The following C12orf43 variants were observed in gnomAD, a reference collection of about 807,000 sequenced individuals.
C12orf43 encodes protein CUSTOS.
In C12orf43, 15 loss-of-function variants were observed where a neutral mutation model predicts 20.6. The observed-to-expected ratio is 0.73, with a 90% confidence interval of 0.49 to 1.12. The LOEUF (loss-of-function observed/expected upper bound fraction) is 1.12. Ranked by LOEUF, C12orf43 falls within the 50% of genes most tolerant of loss-of-function variation. The pLI, the probability that C12orf43 is intolerant of heterozygous loss-of-function variation, is 0.00. For missense variants in C12orf43, 334 were observed against 344.4 expected (o/e 0.97, Z 0.24); for synonymous variants, 144 against 130.8 (o/e 1.10, Z -0.69).
chr12:121,011,082 T>G, intron 2 of C12orf43, 22 bp downstream of exon 2: 1 of 1,613,114 alleles, frequency 6.2e-7, no homozygotes, highest in Non-Finnish European at 8.5e-7. Flanking sequence ...TAAGTGAAAC[T>G]TGAACCCAAA....
At position 121,003,437 on chromosome 12, in the gene C12orf43, G is replaced by A. The variant is rs1387718311; in HGVS notation, c.*716C>T. The A allele has an allele frequency of 2.0e-5, 3 of 152,302 alleles. No individual in the cohort carries two copies. The highest frequency in any genetic ancestry group is 7.2e-5 in the African/African-American group (3 of 41,444). 9.4% of individuals were successfully genotyped at this position (152,302 alleles called of 1,614,324 possible). A position where few individuals can be genotyped will look rare whatever the true frequency, so the allele number is the denominator to read the frequency against. ...TGAACGCACAAATCCTGGGGGTGTA[G>A]AGAGGAGGAGGATGTTTACTTAAAA... On this transcript the variant is annotated 3_prime_UTR_variant, in exon 6 of 6. Transcript: ENST00000288757.
chr12:121,000,579 T>C lies in C12orf43; in HGVS notation c.*3574A>G, dbSNP rs1169307. Reference sequence around the variant, plus strand: ...GCCTGAAATCTGTTGCTGGCAGCTCTGGGGAGTGAATTCTGCAGCCTTGAG... The same window carrying C: ...GCCTGAAATCTGTTGCTGGCAGCTCCGGGGAGTGAATTCTGCAGCCTTGAG... On this transcript the variant is annotated 3_prime_UTR_variant, in exon 6 of 6. Transcript: ENST00000288757. 0.6 allele frequency: 131,846 copies of C among 219,442 alleles called. 41,542 individuals are homozygous for C. The highest frequency in any genetic ancestry group is 0.87 in the East Asian group (7,122 of 8,204). The allele number at this position is 219,442 out of a possible 1,614,324, so 13.6% of individuals were successfully genotyped here.
rs1399974057 is a variant in C12orf43 at position 121,004,074 on chromosome 12, G to T, written c.*79C>A. ...CCTTGAACTTGGAGAGGGAGGTGGG[G>T]CTTGGAAATGCCTTGTCCCCAGGGT... On this transcript the variant is annotated 3_prime_UTR_variant, in exon 6 of 6. Transcript: ENST00000288757. This position sits in a 1 kb window ranked among gnomAD's most constrained non-coding sequence, Gnocchi z 5.6. 22 of 1,469,034 alleles carry T rather than the reference G, an allele frequency of 1.5e-5. No homozygotes were observed. Among genetic ancestry groups the T allele is most frequent in the Non-Finnish European group, 2.1e-5 (22 of 1,049,318 alleles). 91.0% of individuals were successfully genotyped at this position (1,469,034 alleles called of 1,614,324 possible). A position where few individuals can be genotyped will look rare whatever the true frequency, so the allele number is the denominator to read the frequency against.
intron 1 of C12orf43, among the ~76,000 whole-genome samples, chr12:121,015,695 A>G (rs538437385): frequency 2.0e-5 from 3 of 152,340 alleles, no homozygotes; most frequent in Admixed American, 1.3e-4. Flanking sequence ...ATCTGCAAAG[A>G]TTGTAATGAG....
At position 121,010,941 on chromosome 12, in the gene C12orf43, A is replaced by G. The variant is rs1423315153; in HGVS notation, c.189-15T>C. 1.2e-6 allele frequency: 2 copies of G among 1,613,624 alleles called. No individual in the cohort carries two copies. Among genetic ancestry groups the G allele is most frequent in the Non-Finnish European group, 1.7e-6 (2 of 1,179,748 alleles). On this transcript the variant is annotated splice_polypyrimidine_tract_variant and intron_variant, in intron 2 of 5. Coordinates refer to ENST00000288757, the MANE Select transcript of C12orf43 (RefSeq NM_022895.3). ...TCACCTTATGCCTACGACACACACA[A>G]AGAGACCTCACTTCCTGCCCGCTCA...
At chr12:121,010,998 G>C in intron 2 of C12orf43, 72 bp from the exon 3 acceptor site, 1 of 1,595,412 alleles carries the variant, frequency 6.3e-7, no homozygotes, top group Non-Finnish European at 8.6e-7. Context: ...GGGACCATGT[G>C]TGTCTTGTTC....
At chr12:121,012,069 T>C (rs1868418130) in intron 1 of C12orf43, among the ~76,000 whole-genome samples, 1 of 150,702 alleles carries the variant, frequency 6.6e-6, no homozygotes, top group African/African-American at 2.4e-5. Context: ...GCGAGAGAGG[T>C]GGGGAGTGTT....
At chr12:121,008,943 C>T (rs11065393) in intron 3 of C12orf43, among the ~76,000 whole-genome samples, 19,954 of 152,236 alleles carry the variant, frequency 0.13, 1,759 homozygotes, top group Non-Finnish European at 0.19. Context: ...AAATGCTGGG[C>T]TAAACAGTTA....
Position 121,011,166 on chromosome 12 carries a change from A to G in C12orf43, c.146-20T>C. 6.2e-7 allele frequency: 1 copy of G among 1,612,580 alleles called. No individual in the cohort carries two copies. Among genetic ancestry groups the G allele is most frequent in the Non-Finnish European group, 8.5e-7 (1 of 1,178,720 alleles). Reference sequence around the variant, plus strand: ...CAGCACCTGTGGAAAAATGAAAATTAGGGCATTTATAGAGGAAACAATGAC... The same window carrying G: ...CAGCACCTGTGGAAAAATGAAAATTGGGGCATTTATAGAGGAAACAATGAC... On this transcript the variant is annotated intron_variant, in intron 1 of 5. Transcript: ENST00000288757.
Position 121,006,344 on chromosome 12 carries a change from T to C in C12orf43, c.338A>G (p.Gln113Arg). The C allele has an allele frequency of 1.2e-6, 2 of 1,614,204 alleles. No individual in the cohort carries two copies. The highest frequency in any genetic ancestry group is 1.7e-6 in the Non-Finnish European group (2 of 1,179,984). The change falls in exon 4 of 6, where the codon CAG (glutamine) becomes CGG (arginine). Residue 113 changes from glutamine to arginine, a missense_variant. Transcript: ENST00000288757. ...AAKEPAKAKV[Q>R]KVALEDDGFR... ...ACCATCATCCTCCAAAGCGACTTTC[T>C]GTACCTTAGCTTTTGCTGGCTCCTT...
intron 3 of C12orf43, among the ~76,000 whole-genome samples, chr12:121,010,487 C>G (rs1032821952): frequency 1.3e-5 from 2 of 152,206 alleles, no homozygotes; most frequent in Non-Finnish European, 2.9e-5. Flanking sequence ...GGAATGATAA[C>G]AGTCCCTACC....
At chr12:121,011,002 C>T in intron 2 of C12orf43, 76 bp from the exon 3 acceptor site, 1 of 1,593,494 alleles carries the variant, frequency 6.3e-7, no homozygotes, top group African/African-American at 1.3e-5. Flanking sequence ...CCATGTGTGT[C>T]TTGTTCACCT....
Position 121,001,583 on chromosome 12 carries a change from G to C in C12orf43, c.*2570C>G, listed in dbSNP as rs868177605. On this transcript the variant is annotated 3_prime_UTR_variant, in exon 6 of 6. Coordinates refer to ENST00000288757, the MANE Select transcript of C12orf43 (RefSeq NM_022895.3). ...ACCACTCTGGCAGCCACACTTCTCAGGACACAGGCCTGTGTAGCTGTGACC... is the reference window on the plus strand; with the variant it reads ...ACCACTCTGGCAGCCACACTTCTCACGACACAGGCCTGTGTAGCTGTGACC... 52 of 441,066 alleles carry C rather than the reference G, an allele frequency of 1.2e-4. 1 individual carries two copies. The Middle Eastern group carries it at 4.5e-3, about 38-fold the overall frequency. The allele number at this position is 441,066 out of a possible 1,614,324, so 27.3% of individuals were successfully genotyped here. A position where few individuals can be genotyped will look rare whatever the true frequency, so the allele number is the denominator to read the frequency against.
Position 121,011,406 on chromosome 12 carries a change from TTA to T in C12orf43, c.146-262_146-261del, listed in dbSNP as rs1391799115. ...TAAGTACATTATATATATATATATC[TTA>T]GTTATATAACTTAAAATATATATAT... On this transcript the variant is annotated intron_variant, in intron 1 of 5. Coordinates refer to ENST00000288757, the MANE Select transcript of C12orf43 (RefSeq NM_022895.3). 2.7e-5 allele frequency among the ~76,000 whole-genome samples: 4 copies of T among 148,100 alleles called. No homozygotes were observed. The East Asian group carries it at 7.8e-4, about 29-fold the overall frequency.
chr12:121,012,430 C>G (rs1245635830), intron 1 of C12orf43: 1 of 702,610 alleles, frequency 1.4e-6, no homozygotes, highest in Non-Finnish European at 2.6e-6. Flanking sequence ...ATAAACTGAC[C>G]TGGGTTTTGA....
Position 121,004,449 on chromosome 12 carries a change from C to T in C12orf43, c.493G>A (p.Ala165Thr). The T allele has an allele frequency of 6.2e-7, 1 of 1,610,610 alleles. No individual in the cohort carries two copies. The highest frequency in any genetic ancestry group is 8.5e-7 in the Non-Finnish European group (1 of 1,178,660). ...DEEWRRCREAAVSASDILQES... is the reference protein window; with the variant it reads ...DEEWRRCREATVSASDILQES... ...TGTAGGATGTCGGACGCCGACACAG[C>T]TGCCTCCCGGCACCGCCGCCACTCC... Residue 165 changes from alanine to threonine, a missense_variant, in exon 6 of 6, where the codon GCT becomes ACT. Coordinates refer to ENST00000288757, the MANE Select transcript of C12orf43 (RefSeq NM_022895.3). This position sits in a 1 kb window ranked among gnomAD's most constrained non-coding sequence, Gnocchi z 5.6.
Position 121,000,930 on chromosome 12 carries a change from C to T in C12orf43, c.*3223G>A, listed in dbSNP as rs1877418933. On this transcript the variant is annotated 3_prime_UTR_variant, in exon 6 of 6. Coordinates refer to ENST00000288757, the MANE Select transcript of C12orf43 (RefSeq NM_022895.3). ...TGAAGAACCGAGGGTAGAGGTGTGA[C>T]TTTGGGGTTCCTGTTATCTGCTGTG... 7.9e-7 allele frequency: 1 copy of T among 1,270,374 alleles called. No individual in the cohort carries two copies. Among genetic ancestry groups the T allele is most frequent in the South Asian group, 1.2e-5 (1 of 80,920 alleles). The allele number at this position is 1,270,374 out of a possible 1,614,324, so 78.7% of individuals were successfully genotyped here. A position where few individuals can be genotyped will look rare whatever the true frequency, so the allele number is the denominator to read the frequency against.
At position 121,010,350 on chromosome 12, in the gene C12orf43, G is replaced by A. The variant is rs142153863; in HGVS notation, c.287+478C>T. Among the ~76,000 whole-genome samples, 18 of 152,242 alleles carry A rather than the reference G, an allele frequency of 1.2e-4. No individual in the cohort carries two copies. In the East Asian group the frequency reaches 1.7e-3, roughly 15 times the overall value. ...AAAAAATGTGGGCTTGGAGTCAGAC[G>A]CACTTGGGTTTGAGGCCCAATTCTG... is the stretch of plus-strand genomic sequence containing the variant. On this transcript the variant is annotated intron_variant, in intron 3 of 5. Coordinates refer to ENST00000288757, the MANE Select transcript of C12orf43 (RefSeq NM_022895.3).
At chr12:121,015,532 T>C (rs1159127113) in intron 1 of C12orf43, among the ~76,000 whole-genome samples, 1 of 152,234 alleles carries the variant, frequency 6.6e-6, no homozygotes, top group African/African-American at 2.4e-5. Flanking sequence ...ATCATGATAG[T>C]AAACAACCAA....
Sources: gnomAD v4.1 joint callset for allele counts (sites outside exome capture counted in the v4.1 genomes callset) on GRCh38, gnomAD v4.1.1 for gene constraint, Gnocchi (gnomAD v3.1) non-coding constraint, MANE v1.5 for transcripts, NCBI Gene and HGNC (gene_info 2026-07-23, HGNC 2026-07-21) for gene names.